The following KLF12 variants were observed in gnomAD, a reference collection of about 807,000 sequenced individuals.
KLF12 encodes the protein KLF transcription factor 12.
Under a neutral mutation model 37.8 loss-of-function variants are expected in KLF12, and 9 were observed. The ratio of observed to expected loss-of-function variants is 0.24; its 90% confidence interval spans 0.14 to 0.42. The LOEUF (loss-of-function observed/expected upper bound fraction) is 0.42. KLF12 is among the 10% of genes least tolerant of loss of function. KLF12 has a pLI of 1.00. For missense variants in KLF12, 411 were observed against 516.0 expected (o/e 0.80, Z 1.97); for synonymous variants, 208 against 202.1 (o/e 1.03, Z -0.25).
At chr13:73,961,057 G>A (rs890675126) in intron 2 of KLF12, among the ~76,000 whole-genome samples, 1 of 152,104 alleles carries the variant, frequency 6.6e-6, no homozygotes, top group Middle Eastern at 3.4e-3. Context: ...AAGTACACAA[G>A]AACAAAAAGA....
chr13:73,896,636 T>C (rs1156329029), intron 3 of KLF12, among the ~76,000 whole-genome samples: 1 of 152,262 alleles, frequency 6.6e-6, no homozygotes, highest in Admixed American at 6.5e-5. Context: ...CTTTGAAGCA[T>C]TTTTAATATG....
rs558790079 is a variant in KLF12, at chr13:73,794,439, G to A, written c.806+18713C>T. Among the ~76,000 whole-genome samples, 14 of 152,290 alleles carry A rather than the reference G, an allele frequency of 9.2e-5. 1 individual carries two copies. Among genetic ancestry groups the A allele is most frequent in the Admixed American group, 5.2e-4 (8 of 15,298 alleles). ...TGCGCCACTGCACTCCAGCCTGGGC[G>A]ACAGAGCAAGACCCTGTCTCAAAAG... On this transcript the variant is annotated intron_variant, in intron 5 of 7. Coordinates refer to ENST00000377669, the MANE Select transcript of KLF12 (RefSeq NM_007249.5).
At chr13:73,951,681 T>G (rs1890652661) in intron 2 of KLF12, among the ~76,000 whole-genome samples, 1 of 152,200 alleles carries the variant, frequency 6.6e-6, no homozygotes, top group African/African-American at 2.4e-5. Context: ...ATTCTAAAGT[T>G]CTTGCCCTGA....
chr13:74,250,017 T>C, the KLF12 span, among the ~76,000 whole-genome samples: 1 of 152,202 alleles, frequency 6.6e-6, no homozygotes, highest in Middle Eastern at 3.2e-3. Context: ...GGCTCAGTAA[T>C]GAGACACATT....
chr13:74,221,770 G>A, the KLF12 span, among the ~76,000 whole-genome samples: 2 of 152,144 alleles, frequency 1.3e-5, no homozygotes, highest in Non-Finnish European at 2.9e-5. Context: ...CCTGAGGGGT[G>A]CATGATCTTG....
At chr13:74,252,152 C>T in the KLF12 span, among the ~76,000 whole-genome samples, 2 of 152,148 alleles carry the variant, frequency 1.3e-5, no homozygotes, top group African/African-American at 2.4e-5. Context: ...CTTTAGTTAT[C>T]CCTTAGTTGT....
At chr13:74,277,855 G>A in the KLF12 span, among the ~76,000 whole-genome samples, 1 of 152,116 alleles carries the variant, frequency 6.6e-6, no homozygotes, top group East Asian at 1.9e-4. Flanking sequence ...ATTTCAGGTT[G>A]GAAGCCTGAG....
chr13:73,702,205 G>GT (rs1240614273), intron 7 of KLF12, among the ~76,000 whole-genome samples: 1 of 152,022 alleles, frequency 6.6e-6, no homozygotes, highest in African/African-American at 2.4e-5. Context: ...GTTTTGTTTT[G>GT]TTTTTTCTTG....
rs1239136355 is a variant in KLF12 at position 73,853,261 on chromosome 13, T to C, written c.124-6888A>G. Among the ~76,000 whole-genome samples the C allele has an allele frequency of 1.3e-5, 2 of 152,184 alleles. 1 individual carries two copies. The highest frequency in any genetic ancestry group is 2.9e-5 in the Non-Finnish European group (2 of 68,024). On this transcript the variant is annotated intron_variant, in intron 3 of 7. Coordinates refer to ENST00000377669, the MANE Select transcript of KLF12 (RefSeq NM_007249.5). ...ATCCTAAAGTTCTCTTACTTCCTAA[T>C]AGTTATATTTTTTCATGACCTATTT...
At chr13:73,936,864 T>C (rs1406668227) in intron 3 of KLF12, among the ~76,000 whole-genome samples, 1 of 152,146 alleles carries the variant, frequency 6.6e-6, no homozygotes, top group East Asian at 1.9e-4. Flanking sequence ...AGTTAATCCT[T>C]TGTGGTCAGA....
chr13:73,833,124 T>C (rs1247763615), intron 4 of KLF12, among the ~76,000 whole-genome samples: 1 of 152,232 alleles, frequency 6.6e-6, no homozygotes, highest in South Asian at 2.1e-4. Context: ...TTGGCGTTAC[T>C]ATTATATAAG....
chr13:74,112,496 T>C (rs1207207668), intron 1 of KLF12, among the ~76,000 whole-genome samples: 1 of 152,136 alleles, frequency 6.6e-6, no homozygotes, highest in African/African-American at 2.4e-5. Flanking sequence ...GTGCCATTTT[T>C]CCAACAGCAT....
chr13:73,967,535 A>G (rs2138080089), intron 2 of KLF12, among the ~76,000 whole-genome samples: 1 of 152,308 alleles, frequency 6.6e-6, no homozygotes, highest in Non-Finnish European at 1.5e-5. Flanking sequence ...AAGGCATCTG[A>G]TATAGATAAC....
At chr13:73,909,166 A>G (rs1888455446) in intron 3 of KLF12, among the ~76,000 whole-genome samples, 1 of 152,200 alleles carries the variant, frequency 6.6e-6, no homozygotes, top group African/African-American at 2.4e-5. Context: ...GTGCACCTAA[A>G]AGATCACCTT....
At chr13:74,130,638 C>A (rs1289414191) in intron 1 of KLF12, among the ~76,000 whole-genome samples, 1 of 94,510 alleles carries the variant, frequency 1.1e-5, no homozygotes, top group African/African-American at 3.1e-5. Flanking sequence ...AGAGTGAGAC[C>A]TCAACTCAAA....
chr13:74,217,940 T>A, the KLF12 span, among the ~76,000 whole-genome samples: 2 of 152,192 alleles, frequency 1.3e-5, no homozygotes, highest in Admixed American at 6.5e-5. Flanking sequence ...ATATTCAATA[T>A]AAACAATCCA....
At chr13:73,769,921 A>T (rs1880161577) in intron 5 of KLF12, among the ~76,000 whole-genome samples, 1 of 152,176 alleles carries the variant, frequency 6.6e-6, no homozygotes, top group South Asian at 2.1e-4. Context: ...CTCATCTAGC[A>T]AGACTAGATA....
chr13:73,761,808 C>A (rs764133911), intron 6 of KLF12, among the ~76,000 whole-genome samples: 4 of 152,124 alleles, frequency 2.6e-5, no homozygotes, highest in Non-Finnish European at 2.9e-5. Context: ...TACTTCCCTA[C>A]CACAGTCACT....
the KLF12 span, among the ~76,000 whole-genome samples, chr13:74,297,921 G>A: frequency 6.6e-6 from 1 of 152,136 alleles, no homozygotes; most frequent in African/African-American, 2.4e-5. Flanking sequence ...AGGAAAATGG[G>A]AGAATTTATA....
Sources: gnomAD v4.1 joint callset for allele counts (sites outside exome capture counted in the v4.1 genomes callset) on GRCh38, gnomAD v4.1.1 for gene constraint, MANE v1.5 for transcripts, NCBI Gene and HGNC (gene_info 2026-07-23, HGNC 2026-07-21) for gene names.